The following KCNT2 variants were observed in gnomAD, a reference collection of about 807,000 sequenced individuals.
The protein encoded by KCNT2 is potassium sodium-activated channel subfamily T member 2.
Under a neutral mutation model 153.8 loss-of-function variants are expected in KCNT2, and 67 were observed. The ratio of observed to expected loss-of-function variants is 0.44; its 90% CI spans 0.36 to 0.53. The LOEUF (loss-of-function observed/expected upper bound fraction) is 0.53. Ranked by LOEUF, KCNT2 falls within the 20% of genes least tolerant of loss-of-function variation. The pLI is 0.00. For missense variants in KCNT2, 975 were observed against 1,354.8 expected (o/e 0.72, Z 4.40); for synonymous variants, 500 against 458.8 (o/e 1.09, Z -1.15).
chr1:196,298,650 G>A (rs1197954648), intron 22 of KCNT2, among the ~76,000 whole-genome samples: 4 of 151,648 alleles, frequency 2.6e-5, no homozygotes, highest in Admixed American at 6.6e-5. Flanking sequence ...CATTAGCCAC[G>A]TGATGAAACC....
chr1:196,425,311 G>A (rs1167424333), intron 11 of KCNT2, among the ~76,000 whole-genome samples: 4 of 151,904 alleles, frequency 2.6e-5, no homozygotes, highest in African/African-American at 9.7e-5. Flanking sequence ...GTAGCTGAGG[G>A]TAGCTAAGTA....
intron 1 of KCNT2, among the ~76,000 whole-genome samples, chr1:196,531,218 C>G (rs918010568): frequency 2.0e-5 from 3 of 152,100 alleles, no homozygotes; most frequent in Non-Finnish European, 4.4e-5. Context: ...CTAGACCCAT[C>G]CATGTCTTCT....
intron 9 of KCNT2, among the ~76,000 whole-genome samples, chr1:196,429,177 T>G (rs1459639993): frequency 6.6e-6 from 1 of 152,020 alleles, no homozygotes; most frequent in African/African-American, 2.4e-5. Context: ...TAATAGATTT[T>G]TCTTCATTGC....
chr1:196,544,822 G>C (rs1656865101), intron 1 of KCNT2, among the ~76,000 whole-genome samples: 1 of 152,060 alleles, frequency 6.6e-6, no homozygotes, highest in African/African-American at 2.4e-5. Flanking sequence ...TTCATGTCTT[G>C]TTATACATGA....
chr1:196,326,263 T>C (rs1240758116), intron 19 of KCNT2, among the ~76,000 whole-genome samples: 1 of 152,074 alleles, frequency 6.6e-6, no homozygotes, highest in Non-Finnish European at 1.5e-5. Context: ...TTAACAGTGG[T>C]CCAGTCATAA....
At chr1:196,553,421 A>G (rs983628298) in intron 1 of KCNT2, among the ~76,000 whole-genome samples, 8 of 151,086 alleles carry the variant, frequency 5.3e-5, no homozygotes, top group African/African-American at 1.9e-4. Context: ...AAGAAAATCA[A>G]TAAAGAAACA....
At chr1:196,258,703 A>G (rs558329248) in intron 25 of KCNT2, 350 of 613,546 alleles carry the variant, frequency 5.7e-4, no homozygotes, top group Non-Finnish European at 9.4e-4. Flanking sequence ...ATCAGGCAAA[A>G]TAAATACCTG....
In KCNT2 at chr1:196,429,555, A is replaced by G. The variant is rs199766384; in HGVS notation, c.819+22T>C. ...TTCATGTCTCTGTACATTTCTATGC[A>G]ATATAAGATGGTTTTGTTTACCTGT... On this transcript the variant is annotated intron_variant, in intron 9 of 27. Transcript: ENST00000294725. The G allele has an allele frequency of 1.2e-3, 1,897 of 1,528,908 alleles. 3 individuals are homozygous for G. Among genetic ancestry groups the G allele is most frequent in the Non-Finnish European group, 1.4e-3 (1,569 of 1,125,566 alleles). The allele number at this position is 1,528,908 out of a possible 1,614,324, so 94.7% of individuals were successfully genotyped here. A position where few individuals can be genotyped will look rare whatever the true frequency, so the allele number is the denominator to read the frequency against.
At chr1:196,566,980 T>C (rs145535541) in intron 1 of KCNT2, among the ~76,000 whole-genome samples, 1 of 152,116 alleles carries the variant, frequency 6.6e-6, no homozygotes, top group African/African-American at 2.4e-5. Context: ...ACAAACAAGA[T>C]CTATAAACTC....
intron 16 of KCNT2, among the ~76,000 whole-genome samples, chr1:196,335,249 G>A (rs1378573240): frequency 6.6e-6 from 1 of 152,024 alleles, no homozygotes; most frequent in Non-Finnish European, 1.5e-5. Flanking sequence ...GCTTAAAAAG[G>A]GGGATATGTT....
chr1:196,404,137 A>AT, intron 12 of KCNT2: 1 of 980,412 alleles, frequency 1.0e-6, no homozygotes, highest in Non-Finnish European at 1.2e-6. Flanking sequence ...CTTACCTTGC[A>AT]TTTAGTGAGT....
intron 1 of KCNT2, among the ~76,000 whole-genome samples, chr1:196,558,710 C>CTATT (rs1327171161): frequency 1.3e-5 from 2 of 151,426 alleles, no homozygotes; most frequent in Non-Finnish European, 3.0e-5. Flanking sequence ...TGAAGGGATT[C>CTATT]TATTTATTAC....
intron 27 of KCNT2, among the ~76,000 whole-genome samples, chr1:196,233,644 T>C (rs1172299582): frequency 6.6e-6 from 1 of 151,442 alleles, no homozygotes; most frequent in East Asian, 1.9e-4. Flanking sequence ...TTAAATAACA[T>C]ATTTGAATGG....
intron 1 of KCNT2, among the ~76,000 whole-genome samples, chr1:196,569,391 A>T (rs1329675886): frequency 6.6e-6 from 1 of 152,154 alleles, no homozygotes; most frequent in African/African-American, 2.4e-5. Context: ...AAATGACCTC[A>T]TATTCTCAAC....
intron 1 of KCNT2, among the ~76,000 whole-genome samples, chr1:196,540,862 C>A (rs780784705): frequency 7.2e-5 from 11 of 151,920 alleles, no homozygotes; most frequent in Non-Finnish European, 1.6e-4. Context: ...GTCAGGAGAT[C>A]GAGACCATCC....
chr1:196,455,784 C>T (rs1410785594), intron 8 of KCNT2, among the ~76,000 whole-genome samples: 3 of 151,998 alleles, frequency 2.0e-5, no homozygotes, highest in South Asian at 2.1e-4. Context: ...AAAGCAGAGG[C>T]GTCTTTGCTC....
Position 196,608,404 on chromosome 1 carries a change from G to A in KCNT2, c.-95C>T. On this transcript the variant is annotated 5_prime_UTR_variant, in exon 1 of 28. Transcript: ENST00000294725. ...CGGAGTACAGGGAGAGGACTAACAA[G>A]ACGCTGTGGCCGAGAGAGGGATGGG... 2.1e-6 allele frequency: 2 copies of A among 949,960 alleles called. No homozygotes were observed. The highest frequency in any genetic ancestry group is 3.8e-5 in the Admixed American group (2 of 53,130). 58.8% of individuals were successfully genotyped at this position (949,960 alleles called of 1,614,324 possible). A position where few individuals can be genotyped will look rare whatever the true frequency, so the allele number is the denominator to read the frequency against.
intron 25 of KCNT2, among the ~76,000 whole-genome samples, chr1:196,264,948 C>A (rs550144845): frequency 5.9e-5 from 9 of 152,138 alleles, no homozygotes; most frequent in African/African-American, 1.9e-4. Flanking sequence ...AATGCTTAAT[C>A]GTGATGAAAG....
chr1:196,489,417 G>GA (rs1015186863), intron 3 of KCNT2, among the ~76,000 whole-genome samples: 49 of 149,368 alleles, frequency 3.3e-4, no homozygotes, highest in African/African-American at 9.8e-4. Flanking sequence ...AGTCTCTAGA[G>GA]AAAAAAAAAG....
Sources: allele counts gnomAD v4.1 joint callset (sites outside exome capture counted in the v4.1 genomes callset), GRCh38; gene constraint gnomAD v4.1.1; transcripts MANE v1.5; gene names NCBI Gene and HGNC (gene_info 2026-07-23, HGNC 2026-07-21).